The following ANTXR1 variants were observed in gnomAD, a reference collection of about 807,000 sequenced individuals.
The protein encoded by ANTXR1 is ANTXR cell adhesion molecule 1, also known as anthrax toxin receptor 1.
Under a neutral mutation model 78.1 loss-of-function variants are expected in ANTXR1, and 19 were observed. That is an observed-to-expected ratio of 0.24 (90% CI 0.17 to 0.36). The LOEUF is 0.36. Ranked by LOEUF, ANTXR1 falls within the 10% of genes least tolerant of loss-of-function variation. ANTXR1 has a pLI of 1.00. For synonymous variants in ANTXR1, 273 were observed against 260.5 expected, an observed-to-expected ratio of 1.05 and a Z score of -0.46; for missense variants, 518 against 718.6, an observed-to-expected ratio of 0.72 and a Z score of 3.19.
At chr2:69,047,784 A>G (rs1669814505) in intron 3 of ANTXR1, among the ~76,000 whole-genome samples, 1 of 152,158 alleles carries the variant, frequency 6.6e-6, no homozygotes, top group African/African-American at 2.4e-5. Flanking sequence ...GGCAGTAGCA[A>G]GCATACTCTA....
intron 17 of ANTXR1, among the ~76,000 whole-genome samples, chr2:69,238,146 C>T (rs1675814357): frequency 6.6e-6 from 1 of 152,138 alleles, no homozygotes; most frequent in African/African-American, 2.4e-5. Flanking sequence ...TAACTAACTA[C>T]CTGTCACTCA....
intron 10 of ANTXR1, among the ~76,000 whole-genome samples, chr2:69,111,063 A>T (rs1002525481): frequency 6.6e-6 from 1 of 152,136 alleles, no homozygotes; most frequent in Non-Finnish European, 1.5e-5. Context: ...CCCTGACGTA[A>T]TCAGAAAAGA....
At chr2:69,105,692 A>G (rs1558552618) in intron 10 of ANTXR1, among the ~76,000 whole-genome samples, 1 of 152,170 alleles carries the variant, frequency 6.6e-6, no homozygotes, top group African/African-American at 2.4e-5. Flanking sequence ...CCCCACCTCT[A>G]TACCCCAAGT....
intron 10 of ANTXR1, among the ~76,000 whole-genome samples, chr2:69,111,757 GAC>G (rs1671983245): frequency 1.3e-5 from 2 of 152,204 alleles, no homozygotes; most frequent in Non-Finnish European, 2.9e-5. Flanking sequence ...GGGGAAGAGA[GAC>G]AACACTCATT....
At chr2:69,050,297 AAAATAAAT>A (rs374411711) in intron 3 of ANTXR1, among the ~76,000 whole-genome samples, 7 of 151,696 alleles carry the variant, frequency 4.6e-5, no homozygotes, top group Non-Finnish European at 1.0e-4. Context: ...TGCTGTATCA[AAAATAAAT>A]AAATAAATAA....
At chr2:69,115,486 T>A (rs1169480887) in intron 10 of ANTXR1, among the ~76,000 whole-genome samples, 1 of 152,218 alleles carries the variant, frequency 6.6e-6, no homozygotes, top group Admixed American at 6.5e-5. Context: ...CAAAAGCCTA[T>A]GAAGTATTAC....
intron 13 of ANTXR1, among the ~76,000 whole-genome samples, chr2:69,161,864 G>T (rs1480394931): frequency 6.6e-6 from 1 of 152,116 alleles, no homozygotes. Context: ...TAAAAGGCCA[G>T]GGGGGCAGCA....
chr2:69,182,669 C>G lies in ANTXR1; in HGVS notation c.1353+9C>G. Reference sequence around the variant, plus strand: ...GGTACTCTCCAATCAAGGTGTGTCTCTTTACTCAAAAAATCTATCATCAGT... The same window carrying G: ...GGTACTCTCCAATCAAGGTGTGTCTGTTTACTCAAAAAATCTATCATCAGT... On this transcript the variant is annotated intron_variant, in intron 16 of 17. Transcript: ENST00000303714. The G allele has an allele frequency of 6.2e-7, 1 of 1,614,106 alleles. No homozygotes were observed. The highest frequency in any genetic ancestry group is 8.5e-7 in the Non-Finnish European group (1 of 1,180,004).
intron 7 of ANTXR1, among the ~76,000 whole-genome samples, chr2:69,076,516 A>C (rs1232545108): frequency 6.6e-6 from 1 of 152,230 alleles, no homozygotes; most frequent in Non-Finnish European, 1.5e-5. Context: ...AATGCTCATG[A>C]TATATCATTA....
chr2:69,152,717 A>C (rs543280823), intron 13 of ANTXR1, among the ~76,000 whole-genome samples: 38 of 152,086 alleles, frequency 2.5e-4, no homozygotes, highest in African/African-American at 7.7e-4. Context: ...CTCTGGCCTG[A>C]CCTCTTTATT....
intron 14 of ANTXR1, among the ~76,000 whole-genome samples, chr2:69,171,248 C>T (rs560333905): frequency 6.6e-6 from 1 of 152,300 alleles, no homozygotes; most frequent in East Asian, 1.9e-4. Context: ...TATCCTGAAC[C>T]ATACGCATGT....
chr2:69,146,836 A>G (rs1490734399), intron 12 of ANTXR1, among the ~76,000 whole-genome samples: 1 of 152,238 alleles, frequency 6.6e-6, no homozygotes, highest in Non-Finnish European at 1.5e-5. Context: ...CCAGAGTGGT[A>G]TCTATGTGGC....
At chr2:69,215,646 G>A (rs1356534569) in intron 17 of ANTXR1, among the ~76,000 whole-genome samples, 1 of 152,196 alleles carries the variant, frequency 6.6e-6, no homozygotes, top group African/African-American at 2.4e-5. Context: ...ATATGGGAGT[G>A]GGAACTGAGA....
At chr2:69,220,335 C>T (rs1403225786) in intron 17 of ANTXR1, among the ~76,000 whole-genome samples, 2 of 152,118 alleles carry the variant, frequency 1.3e-5, no homozygotes, top group Non-Finnish European at 2.9e-5. Flanking sequence ...AGTTTCCTGA[C>T]CAAAATTAAA....
At chr2:69,216,482 T>C (rs1319094702) in intron 17 of ANTXR1, among the ~76,000 whole-genome samples, 1 of 152,076 alleles carries the variant, frequency 6.6e-6, no homozygotes, top group East Asian at 1.9e-4. Flanking sequence ...TGCACATATA[T>C]ACACACATGT....
At chr2:69,241,496 T>C (rs914612542) in intron 17 of ANTXR1, among the ~76,000 whole-genome samples, 1 of 152,116 alleles carries the variant, frequency 6.6e-6, no homozygotes, top group Non-Finnish European at 1.5e-5. Context: ...GGAAGATAAA[T>C]TCAACATCAG....
intron 7 of ANTXR1, among the ~76,000 whole-genome samples, chr2:69,076,438 T>C (rs1035914650): frequency 2.6e-5 from 4 of 152,222 alleles, no homozygotes; most frequent in Admixed American, 6.5e-5. Flanking sequence ...TGTAAAAGCT[T>C]ACTAGCAATC....
intron 17 of ANTXR1, among the ~76,000 whole-genome samples, chr2:69,217,919 G>A (rs1238078686): frequency 6.6e-6 from 1 of 152,170 alleles, no homozygotes; most frequent in African/African-American, 2.4e-5. Context: ...ATCCCCAGGT[G>A]AAACCAAGGC....
intron 17 of ANTXR1, 76 bp downstream of exon 17, chr2:69,193,491 A>C: frequency 7.8e-7 from 1 of 1,285,670 alleles, no homozygotes; most frequent in Admixed American, 1.7e-5. Flanking sequence ...ACACACACAC[A>C]TATTCTTTTT....
Sources: allele counts gnomAD v4.1 joint callset (sites outside exome capture counted in the v4.1 genomes callset), GRCh38; gene constraint gnomAD v4.1.1; transcripts MANE v1.5; gene names NCBI Gene and HGNC (gene_info 2026-07-23, HGNC 2026-07-21).